The following MAP4K3 variants were observed in gnomAD, a reference collection of about 807,000 sequenced individuals.
The protein encoded by MAP4K3 is mitogen-activated protein kinase kinase kinase kinase 3.
In MAP4K3, 94 loss-of-function variants were observed where a neutral mutation model predicts 143.5. That is an observed-to-expected ratio of 0.65 (90% CI 0.55 to 0.78). The LOEUF (loss-of-function observed/expected upper bound fraction) is 0.78, where lower values mean the gene tolerates loss of function less well. Among genes scored for constraint, MAP4K3 ranks in the 30% least tolerant of loss-of-function variants. The pLI is 0.00. For synonymous variants in MAP4K3, 416 were observed against 347.2 expected, an observed-to-expected ratio of 1.20 and a Z score of -2.20; for missense variants, 1,077 against 1,068.1, an observed-to-expected ratio of 1.01 and a Z score of -0.12.
At chr2:39,387,460 T>C (rs912992057) in intron 1 of MAP4K3, among the ~76,000 whole-genome samples, 2 of 152,222 alleles carry the variant, frequency 1.3e-5, no homozygotes, top group African/African-American at 4.8e-5. Flanking sequence ...AATTTCAATT[T>C]TGATTTTAAA....
intron 15 of MAP4K3, among the ~76,000 whole-genome samples, chr2:39,300,012 T>C (rs1003422388): frequency 2.0e-5 from 3 of 152,154 alleles, no homozygotes; most frequent in African/African-American, 7.2e-5. Context: ...GGAATTTTTC[T>C]GAATAATATA....
intron 1 of MAP4K3, among the ~76,000 whole-genome samples, chr2:39,381,860 G>A (rs548095413): frequency 1.3e-5 from 2 of 152,072 alleles, no homozygotes; most frequent in Non-Finnish European, 2.9e-5. Context: ...GACATCCTTC[G>A]AAGCTCAGCT....
chr2:39,421,561 A>T (rs1667548832), intron 1 of MAP4K3, among the ~76,000 whole-genome samples: 1 of 152,082 alleles, frequency 6.6e-6, no homozygotes, highest in Admixed American at 6.6e-5. Flanking sequence ...GTATCTGTAA[A>T]ATGGAAATAA....
chr2:39,290,121 A>T (rs1218227260), intron 19 of MAP4K3, among the ~76,000 whole-genome samples, 171 bp downstream of exon 19: 1 of 151,402 alleles, frequency 6.6e-6, no homozygotes, highest in East Asian at 1.9e-4. Context: ...CACTAAATAT[A>T]AGTTGGGCAT....
intron 1 of MAP4K3, among the ~76,000 whole-genome samples, chr2:39,409,269 CTATT>C (rs1219082723): frequency 6.6e-6 from 1 of 152,156 alleles, no homozygotes; most frequent in Admixed American, 6.5e-5. Flanking sequence ...CGTTAATTAA[CTATT>C]TATATTATCA....
Position 39,280,808 on chromosome 2 carries a change from G to A in MAP4K3, c.1630-452C>T, listed in dbSNP as rs192509484. Among the ~76,000 whole-genome samples the A allele has an allele frequency of 1.4e-3, 215 of 152,194 alleles. 1 individual carries two copies. The highest frequency in any genetic ancestry group is 4.5e-3 in the African/African-American group (188 of 41,526). ...AATTTCACATTACAAACTGAAACAGGTATGGCTGATTTGAAATTCATATAT... is the reference window on the plus strand; with the variant it reads ...AATTTCACATTACAAACTGAAACAGATATGGCTGATTTGAAATTCATATAT... On this transcript the variant is annotated intron_variant, in intron 22 of 33. Transcript: ENST00000263881.
At chr2:39,301,706 C>A (rs956150485) in intron 15 of MAP4K3, among the ~76,000 whole-genome samples, 1 of 151,562 alleles carries the variant, frequency 6.6e-6, no homozygotes, top group Non-Finnish European at 1.5e-5. Flanking sequence ...GGATATAGGC[C>A]GGGCGCGGTA....
At position 39,325,587 on chromosome 2, in the gene MAP4K3, G is replaced by A. The variant is rs1683463128; in HGVS notation, c.849C>T (p.Ile283=). Reference sequence around the variant, plus strand: ...GATTATTTACTTTATCCAACAGCTCGATTGCCAAAGACCGTGTCAAATGTT... The same window carrying A: ...GATTATTTACTTTATCCAACAGCTCAATTGCCAAAGACCGTGTCAAATGTT... ...VTQHLTRSLA[I]ELLDKVNNPD... is the part of the protein sequence containing the mutation. The change falls in exon 12 of 34, where the codon ATC becomes ATT. Residue 283 remains isoleucine (I), a synonymous_variant. Transcript: ENST00000263881. 7 of 1,613,054 alleles carry A rather than the reference G, an allele frequency of 4.3e-6. No individual in the cohort carries two copies. The highest frequency in any genetic ancestry group is 1.7e-5 in the Admixed American group (1 of 59,990).
At chr2:39,254,306 C>T in intron 32 of MAP4K3, 144 bp downstream of exon 32, 1 of 611,348 alleles carries the variant, frequency 1.6e-6, no homozygotes, top group Non-Finnish European at 2.9e-6. Context: ...AGAGTATGGG[C>T]TACTGACTTT....
intron 1 of MAP4K3, among the ~76,000 whole-genome samples, chr2:39,435,673 G>A (rs1298490055): frequency 5.3e-5 from 8 of 152,294 alleles, no homozygotes; most frequent in African/African-American, 1.9e-4. Flanking sequence ...CAAAAAAATA[G>A]AAACACTTAG....
At chr2:39,319,565 G>GT (rs1478696564) in intron 12 of MAP4K3, among the ~76,000 whole-genome samples, 47 of 152,102 alleles carry the variant, frequency 3.1e-4, no homozygotes, top group Non-Finnish European at 5.9e-4. Flanking sequence ...TATTTTCAGT[G>GT]TTTTTAAAGA....
intron 1 of MAP4K3, among the ~76,000 whole-genome samples, chr2:39,396,350 G>A (rs72929192): frequency 0.021 from 3,122 of 151,904 alleles, 115 homozygotes; most frequent in African/African-American, 0.072. Flanking sequence ...ACAAGTATTT[G>A]TATACCAATA....
intron 3 of MAP4K3, among the ~76,000 whole-genome samples, chr2:39,349,409 T>A (rs1198201559): frequency 6.6e-6 from 1 of 152,154 alleles, no homozygotes; most frequent in South Asian, 2.1e-4. Context: ...TATTTCTCTA[T>A]AATTATACCT....
chr2:39,335,395 C>T (rs752363431), intron 6 of MAP4K3, among the ~76,000 whole-genome samples: 2 of 152,012 alleles, frequency 1.3e-5, no homozygotes, highest in African/African-American at 2.4e-5. Flanking sequence ...GAAATGGTGG[C>T]GATGACCCAA....
intron 31 of MAP4K3, among the ~76,000 whole-genome samples, chr2:39,258,079 G>A (rs982936055): frequency 2.6e-5 from 4 of 151,924 alleles, no homozygotes; most frequent in Non-Finnish European, 4.4e-5. Context: ...CTACAGGCGT[G>A]TGCCAGCAAA....
chr2:39,282,211 A>G (rs1287629204), intron 22 of MAP4K3, among the ~76,000 whole-genome samples: 1 of 150,170 alleles, frequency 6.7e-6, no homozygotes, highest in African/African-American at 2.5e-5. Context: ...AAAAAAAAAG[A>G]AAAAGGGCAG....
chr2:39,326,571 G>A (rs777861694), intron 8 of MAP4K3, among the ~76,000 whole-genome samples: 105 of 151,852 alleles, frequency 6.9e-4, no homozygotes, highest in Non-Finnish European at 1.0e-3. Context: ...GCTGGAATGA[G>A]TTAAGACTTT....
intron 21 of MAP4K3, among the ~76,000 whole-genome samples, chr2:39,284,127 A>G (rs1395144252): frequency 6.6e-6 from 1 of 152,024 alleles, no homozygotes; most frequent in East Asian, 1.9e-4. Flanking sequence ...AAATTATCTG[A>G]TGTCATCTAT....
chr2:39,419,976 C>A (rs1231092025), intron 1 of MAP4K3, among the ~76,000 whole-genome samples: 1 of 152,176 alleles, frequency 6.6e-6, no homozygotes, highest in African/African-American at 2.4e-5. Flanking sequence ...AATGACATAT[C>A]CCATCTGACT....
Sources: allele counts gnomAD v4.1 joint callset (sites outside exome capture counted in the v4.1 genomes callset), GRCh38; gene constraint gnomAD v4.1.1; transcripts MANE v1.5; gene names NCBI Gene and HGNC (gene_info 2026-07-23, HGNC 2026-07-21).